The following PCDHGB3 variants were observed in gnomAD, a reference collection of about 807,000 sequenced individuals.
PCDHGB3 encodes the protein protocadherin gamma-B3.
A neutral mutation model predicts 59.2 loss-of-function variants in PCDHGB3; 40 were observed. The observed-to-expected ratio is 0.68, with a 90% CI of 0.52 to 0.88. The LOEUF (loss-of-function observed/expected upper bound fraction) is 0.88. Ranked by LOEUF, PCDHGB3 falls within the 40% of genes least tolerant of loss-of-function variation. The pLI is 0.00. For synonymous variants in PCDHGB3, 581 were observed against 503.6 expected (o/e 1.15, Z -2.06); for missense variants, 1,309 against 1,187.9 (o/e 1.10, Z -1.50).
In PCDHGB3 at chr5:141,485,219, A is replaced by C. The variant is rs954128321; in HGVS notation, c.2416-9588A>C. 20 of 1,613,930 alleles carry C rather than the reference A, an allele frequency of 1.2e-5. No individual in the cohort carries two copies. The highest frequency in any genetic ancestry group is 1.6e-5 in the Non-Finnish European group (19 of 1,179,944). On this transcript the variant is annotated intron_variant, in intron 1 of 3. Coordinates refer to ENST00000576222, the MANE Select transcript of PCDHGB3 (RefSeq NM_018924.5). The surrounding 1 kb of genome is among the most constrained non-coding windows in gnomAD (Gnocchi z 5.7). The stretch of plus-strand genomic sequence containing the variant: ...CTGGACAGAAATCTGGCGGTGGGCT[A>C]CCCTTTTGTTCCTCTTTTACCACCT...
chr5:141,398,374 G>C (rs769693333), intron 1 of PCDHGB3: 3 of 1,438,680 alleles, frequency 2.1e-6, no homozygotes, highest in African/African-American at 1.4e-5. Flanking sequence ...AGAGAGCGGG[G>C]AGTTGCTTGT....
intron 1 of PCDHGB3, among the ~76,000 whole-genome samples, chr5:141,462,069 C>T (rs555164288): frequency 4.3e-4 from 65 of 151,850 alleles, no homozygotes; most frequent in Non-Finnish European, 7.5e-4. Context: ...GTGATCTGCC[C>T]GCCTTGGCCT....
At position 141,432,686 on chromosome 5, in the gene PCDHGB3, G is replaced by T. The variant is rs2097528577; in HGVS notation, c.2415+59877G>T. ...CAGAGACGCGCTCAAGCAGAGCCTC[G>T]TAGTGGCCGTCCAGGACCACGGCCA... On this transcript the variant is annotated intron_variant, in intron 1 of 3. Transcript: ENST00000576222. The surrounding 1 kb of genome is among the most constrained non-coding windows in gnomAD (Gnocchi z 6.0). 6.2e-7 allele frequency: 1 copy of T among 1,613,922 alleles called. No individual in the cohort carries two copies. Among genetic ancestry groups the T allele is most frequent in the Non-Finnish European group, 8.5e-7 (1 of 1,179,968 alleles).
chr5:141,422,494 T>G lies in PCDHGB3; in HGVS notation c.2415+49685T>G, dbSNP rs772798862. On this transcript the variant is annotated intron_variant, in intron 1 of 3. Transcript: ENST00000576222. ...GTTGGTCCAGAGCTACAATATAACG[T>G]TGACAGCCACAGACCAGGGAAGCCC... The G allele has an allele frequency of 3.5e-5, 56 of 1,613,848 alleles. No homozygotes were observed. Among genetic ancestry groups the G allele is most frequent in the Non-Finnish European group, 1.0e-5 (12 of 1,179,896 alleles).
intron 2 of PCDHGB3, 22 bp from the exon 3 acceptor site, chr5:141,505,371 C>G: frequency 1.2e-6 from 2 of 1,613,980 alleles, no homozygotes; most frequent in Non-Finnish European, 1.7e-6. Context: ...AGTCTGTGCT[C>G]ACCATCCTAC....
At chr5:141,478,011 G>T (rs1216659966) in intron 1 of PCDHGB3, 1 of 1,614,088 alleles carries the variant, frequency 6.2e-7, no homozygotes, top group Non-Finnish European at 8.5e-7. Flanking sequence ...AGTACTGCCC[G>T]TCCAGTCCAA....
intron 1 of PCDHGB3, chr5:141,413,400 G>T: frequency 6.2e-7 from 1 of 1,614,060 alleles, no homozygotes. Context: ...CCAGAGGTAG[G>T]ACGCAGCTTT....
intron 1 of PCDHGB3, among the ~76,000 whole-genome samples, chr5:141,465,040 C>T (rs1396261200): frequency 6.6e-6 from 1 of 151,842 alleles, no homozygotes; most frequent in Non-Finnish European, 1.5e-5. Context: ...CCACAAATGA[C>T]CCTATATATT....
chr5:141,409,143 G>A (rs778597273), intron 1 of PCDHGB3: 1 of 1,613,868 alleles, frequency 6.2e-7, no homozygotes, highest in African/African-American at 1.3e-5. Flanking sequence ...GATGTAGAAA[G>A]GTACACCATG....
chr5:141,409,286 C>T (rs1304936825), intron 1 of PCDHGB3: 1 of 1,613,826 alleles, frequency 6.2e-7, no homozygotes, highest in African/African-American at 1.3e-5. Context: ...GAATTCACCT[C>T]CAGGAATGGT....
intron 1 of PCDHGB3, chr5:141,374,678 A>C (rs753625335): frequency 1.2e-6 from 2 of 1,610,496 alleles, no homozygotes; most frequent in Admixed American, 1.7e-5. Flanking sequence ...GCTGGAGGGC[A>C]CACTGGACCG....
intron 2 of PCDHGB3, among the ~76,000 whole-genome samples, chr5:141,500,381 T>G (rs1013284512): frequency 7.2e-5 from 11 of 151,786 alleles, no homozygotes; most frequent in African/African-American, 2.7e-4. Flanking sequence ...GCTAATTATT[T>G]TGTATTTTTA....
At chr5:141,507,704 G>A (rs989196400) in intron 3 of PCDHGB3, among the ~76,000 whole-genome samples, 5 of 152,210 alleles carry the variant, frequency 3.3e-5, no homozygotes, top group African/African-American at 9.6e-5. Context: ...AGTATTTATG[G>A]CCCCAAACCC....
chr5:141,436,140 A>G (rs1324666699), intron 1 of PCDHGB3, among the ~76,000 whole-genome samples: 2 of 152,224 alleles, frequency 1.3e-5, no homozygotes, highest in Non-Finnish European at 2.9e-5. Flanking sequence ...TCTTGTATGA[A>G]CTACCAAAAT....
At chr5:141,451,365 G>A (rs557753113) in intron 1 of PCDHGB3, among the ~76,000 whole-genome samples, 2 of 152,234 alleles carry the variant, frequency 1.3e-5, no homozygotes, top group South Asian at 4.1e-4. Context: ...GGATGGATCC[G>A]CTTCTAATCT....
chr5:141,400,368 C>T lies in PCDHGB3; in HGVS notation c.2415+27559C>T. On this transcript the variant is annotated intron_variant, in intron 1 of 3. Coordinates refer to ENST00000576222, the MANE Select transcript of PCDHGB3 (RefSeq NM_018924.5). ...ACAGTCAGGGGACTTTGCCTTATTC[C>T]TACAACCTATGTGTTGCACATACAG... is the stretch of plus-strand genomic sequence containing the variant. 8.1e-6 allele frequency: 13 copies of T among 1,614,044 alleles called. No homozygotes were observed. The highest frequency in any genetic ancestry group is 1.6e-4 in the Middle Eastern group (1 of 6,062).
At chr5:141,394,463 G>C (rs1244366845) in intron 1 of PCDHGB3, 1 of 1,614,130 alleles carries the variant, frequency 6.2e-7, no homozygotes, top group Non-Finnish European at 8.5e-7. Flanking sequence ...CACTGAGCCT[G>C]TTCGTGCTGG....
chr5:141,498,104 C>T (rs530844708), intron 2 of PCDHGB3, among the ~76,000 whole-genome samples: 2 of 152,106 alleles, frequency 1.3e-5, no homozygotes, highest in African/African-American at 4.8e-5. Context: ...GTGGTGTGGG[C>T]GTATAATAGG....
At chr5:141,393,534 G>GA in intron 1 of PCDHGB3, 1 of 1,613,928 alleles carries the variant, frequency 6.2e-7, no homozygotes, top group Non-Finnish European at 8.5e-7. Flanking sequence ...CAATGCCCCG[G>GA]TTTTTCCTCA....
Sources: gnomAD v4.1 joint callset for allele counts (sites outside exome capture counted in the v4.1 genomes callset) on GRCh38, gnomAD v4.1.1 for gene constraint, Gnocchi (gnomAD v3.1) non-coding constraint, MANE v1.5 for transcripts, NCBI Gene and HGNC (gene_info 2026-07-23, HGNC 2026-07-21) for gene names.